SDC1: variants seen among roughly 807,000 people sequenced by gnomAD.
The protein encoded by SDC1 is syndecan 1, also known as syndecan-1.
SDC1 carries 14 observed loss-of-function variants against 29.7 expected under a neutral mutation model. That is an observed-to-expected ratio of 0.47 (90% CI 0.31 to 0.74). SDC1 has a LOEUF of 0.74. Ranked by LOEUF, SDC1 falls within the 30% of genes least tolerant of loss-of-function variation. The probability of loss-of-function intolerance (pLI) is 0.05; values close to 1 mark genes in which losing one functional copy is unlikely to be tolerated. For synonymous variants in SDC1, 204 were observed against 175.5 expected (o/e 1.16, Z -1.29); for missense variants, 406 against 400.3 (o/e 1.01, Z -0.12).
chr2:20,202,270 C>G lies in SDC1; in HGVS notation c.*496G>C, dbSNP rs768206310. ...AACATGTGCAAAAACAAGTCGATAT[C>G]TAGATTAGACCTCCCCACGAAACAA... On this transcript the variant is annotated 3_prime_UTR_variant, in exon 5 of 5. Transcript: ENST00000254351. 1 of 779,090 alleles carries G rather than the reference C, an allele frequency of 1.3e-6. No homozygotes were observed. The highest frequency in any genetic ancestry group is 2.4e-6 in the Non-Finnish European group (1 of 417,838). The allele number at this position is 779,090 out of a possible 1,614,324, so 48.3% of individuals were successfully genotyped here.
chr2:20,216,137 C>T (rs891287446), intron 1 of SDC1, among the ~76,000 whole-genome samples: 6 of 152,230 alleles, frequency 3.9e-5, no homozygotes, highest in Admixed American at 2.6e-4. Context: ...CAGATTCACC[C>T]GAGGAGACTC....
rs1434741706 is a variant in SDC1, at chr2:20,223,272, A to T, written c.66+1530T>A. 16 of 1,299,920 alleles carry T rather than the reference A, an allele frequency of 1.2e-5. No individual in the cohort carries two copies. In the Admixed American group the frequency reaches 2.1e-4, roughly 17 times the overall value. 80.5% of individuals were successfully genotyped at this position (1,299,920 alleles called of 1,614,324 possible). A position where few individuals can be genotyped will look rare whatever the true frequency, so the allele number is the denominator to read the frequency against. On this transcript the variant is annotated intron_variant, in intron 1 of 4. Coordinates refer to ENST00000254351, the MANE Select transcript of SDC1 (RefSeq NM_002997.5). ...CTGTCCCTACCTCATCTCCCATGAG[A>T]CAGACTCTGTAAAGAAAAAAAAAAC...
At chr2:20,205,464 C>T (rs1016682078) in intron 1 of SDC1, 40 bp from the exon 2 acceptor site, 6 of 1,555,222 alleles carry the variant, frequency 3.9e-6, no homozygotes, top group African/African-American at 1.4e-5. Flanking sequence ...AAAGGCTTGG[C>T]CGGGTCTCTG....
intron 1 of SDC1, among the ~76,000 whole-genome samples, chr2:20,205,631 T>C (rs1052127454): frequency 3.3e-5 from 5 of 152,220 alleles, no homozygotes; most frequent in Non-Finnish European, 5.9e-5. Flanking sequence ...CAACACAGCC[T>C]GGTACTGGGT....
chr2:20,216,522 C>T (rs957945367), intron 1 of SDC1, among the ~76,000 whole-genome samples: 2 of 152,208 alleles, frequency 1.3e-5, no homozygotes, highest in Non-Finnish European at 2.9e-5. Context: ...ATCATATTCG[C>T]CTGGAACACT....
At chr2:20,223,245 G>A (rs772729235) in intron 1 of SDC1, 3 of 1,301,700 alleles carry the variant, frequency 2.3e-6, no homozygotes, top group Non-Finnish European at 3.0e-6. Flanking sequence ...TCTCAGAAAC[G>A]ACTGTCCCTA....
chr2:20,206,371 G>C (rs1420312958), intron 1 of SDC1, among the ~76,000 whole-genome samples: 1 of 152,228 alleles, frequency 6.6e-6, no homozygotes, highest in East Asian at 1.9e-4. Context: ...GCAGGACCGG[G>C]GGCGGGGGCG....
In SDC1 at chr2:20,224,904, G is replaced by A. The variant is rs958026485; in HGVS notation, c.-37C>T. ...CGGCGGCGGGAGAGCGGCAGGCTGCGCGGGTCGCGGCTGCGGGCCGGCTTC... is the reference window on the plus strand; with the variant it reads ...CGGCGGCGGGAGAGCGGCAGGCTGCACGGGTCGCGGCTGCGGGCCGGCTTC... On this transcript the variant is annotated 5_prime_UTR_variant, in exon 1 of 5. Coordinates refer to ENST00000254351, the MANE Select transcript of SDC1 (RefSeq NM_002997.5). The surrounding 1 kb of genome is among the most constrained non-coding windows in gnomAD (Gnocchi z 4.9). 1.9e-5 allele frequency: 23 copies of A among 1,207,954 alleles called. No individual in the cohort carries two copies. In the Admixed American group the frequency reaches 8.4e-4, roughly 44 times the overall value. 74.8% of individuals were successfully genotyped at this position (1,207,954 alleles called of 1,614,324 possible). A position where few individuals can be genotyped will look rare whatever the true frequency, so the allele number is the denominator to read the frequency against.
chr2:20,224,635 G>A lies in SDC1; in HGVS notation c.66+167C>T, dbSNP rs1293516128. On this transcript the variant is annotated intron_variant, in intron 1 of 4. Coordinates refer to ENST00000254351, the MANE Select transcript of SDC1 (RefSeq NM_002997.5). This position sits in a 1 kb window ranked among gnomAD's most constrained non-coding sequence, Gnocchi z 4.9. ...ACCCACCGACAGCGGAGGAAATTGG[G>A]GCTGGAGCCCTGGTCTCGGGGCTCA... 2.0e-5 allele frequency among the ~76,000 whole-genome samples: 3 copies of A among 151,764 alleles called. No individual in the cohort carries two copies. Among genetic ancestry groups the A allele is most frequent in the African/African-American group, 7.3e-5 (3 of 41,358 alleles).
chr2:20,211,434 C>T (rs1259994246), intron 1 of SDC1, among the ~76,000 whole-genome samples: 2 of 152,200 alleles, frequency 1.3e-5, no homozygotes, highest in African/African-American at 4.8e-5. Context: ...TCAGCAATGT[C>T]CTCTACATTT....
At chr2:20,212,030 T>C (rs1052989630) in intron 1 of SDC1, among the ~76,000 whole-genome samples, 1 of 152,232 alleles carries the variant, frequency 6.6e-6, no homozygotes, top group African/African-American at 2.4e-5. Flanking sequence ...TCTAGACCTG[T>C]TCTCCACCTA....
chr2:20,202,921 C>T lies in SDC1; in HGVS notation c.778G>A (p.Gly260Ser). 6.2e-7 allele frequency: 1 copy of T among 1,612,016 alleles called. No individual in the cohort carries two copies. Among genetic ancestry groups the T allele is most frequent in the Non-Finnish European group, 8.5e-7 (1 of 1,179,038 alleles). ...ACAGCAAAGATGAGCCCCACGAGGC[C>T]TCCGGCAATGACCCCTAGGGCAGGT... is the stretch of plus-strand genomic sequence containing the variant. ...KEVLGGVIAG[G>S]LVGLIFAVCL... Residue 260 changes from glycine to serine, a missense_variant, in exon 5 of 5, where the codon GGC becomes AGC. By Grantham distance (56) the Gly-to-Ser change is moderately conservative. Coordinates refer to ENST00000254351, the MANE Select transcript of SDC1 (RefSeq NM_002997.5).
rs1300320572 is a variant in SDC1, at chr2:20,224,629, A to G, written c.66+173T>C. Among the ~76,000 whole-genome samples the G allele has an allele frequency of 6.6e-6, 1 of 151,076 alleles. No individual in the cohort carries two copies. The highest frequency in any genetic ancestry group is 1.5e-5 in the Non-Finnish European group (1 of 67,696). On this transcript the variant is annotated intron_variant, in intron 1 of 4. Coordinates refer to ENST00000254351, the MANE Select transcript of SDC1 (RefSeq NM_002997.5). The surrounding 1 kb of genome is among the most constrained non-coding windows in gnomAD (Gnocchi z 4.9). The stretch of plus-strand genomic sequence containing the variant: ...TGCGGCACCCACCGACAGCGGAGGA[A>G]ATTGGGGCTGGAGCCCTGGTCTCGG...
intron 1 of SDC1, among the ~76,000 whole-genome samples, chr2:20,209,029 G>T (rs1353683494): frequency 6.6e-6 from 1 of 152,194 alleles, no homozygotes; most frequent in Non-Finnish European, 1.5e-5. Flanking sequence ...AGAGGCAACT[G>T]CCTGGAGTCT....
chr2:20,202,037 T>G lies in SDC1; in HGVS notation c.*729A>C. ...CCTGTTGCACACATGAGCGACAAAC[T>G]CAAGAGACAACACACAAACTAAGCC... On this transcript the variant is annotated 3_prime_UTR_variant, in exon 5 of 5. Coordinates refer to ENST00000254351, the MANE Select transcript of SDC1 (RefSeq NM_002997.5). 1 of 520,270 alleles carries G rather than the reference T, an allele frequency of 1.9e-6. No homozygotes were observed. Among genetic ancestry groups the G allele is most frequent in the Admixed American group, 3.8e-5 (1 of 26,536 alleles). The allele number at this position is 520,270 out of a possible 1,614,324, so 32.2% of individuals were successfully genotyped here.
chr2:20,212,987 G>A lies in SDC1; in HGVS notation c.67-7563C>T, dbSNP rs576211342. Among the ~76,000 whole-genome samples the A allele has an allele frequency of 9.2e-5, 14 of 152,330 alleles. No homozygotes were observed. In the South Asian group the frequency reaches 2.5e-3, roughly 27 times the overall value. On this transcript the variant is annotated intron_variant, in intron 1 of 4. Transcript: ENST00000254351. ...GGGCTTTACAGATGGGAAGCCTGAG[G>A]TCAAGGTCGCAGAGCCGAGCCTCCC...
intron 3 of SDC1, 89 bp from the exon 4 acceptor site, chr2:20,203,311 C>T: frequency 7.0e-7 from 1 of 1,434,762 alleles, no homozygotes; most frequent in South Asian, 1.4e-5. Flanking sequence ...GCAGCTCCTG[C>T]CTCCCTGATC....
chr2:20,216,404 C>A (rs986790946), intron 1 of SDC1, among the ~76,000 whole-genome samples: 1 of 152,222 alleles, frequency 6.6e-6, no homozygotes, highest in African/African-American at 2.4e-5. Flanking sequence ...CAGCACTGCA[C>A]CCTGCGGTTT....
intron 1 of SDC1, among the ~76,000 whole-genome samples, chr2:20,220,362 C>T (rs12612026): frequency 6.6e-6 from 1 of 152,058 alleles, no homozygotes; most frequent in Admixed American, 6.6e-5. Flanking sequence ...CATACACATG[C>T]GCACACACAC....
Sources: allele counts gnomAD v4.1 joint callset (sites outside exome capture counted in the v4.1 genomes callset), GRCh38; gene constraint gnomAD v4.1.1; non-coding constraint Gnocchi (gnomAD v3.1); transcripts MANE v1.5; gene names NCBI Gene and HGNC (gene_info 2026-07-23, HGNC 2026-07-21).